NEGR1: variants seen among roughly 807,000 people sequenced by gnomAD.
NEGR1 encodes neuronal growth regulator 1, also known as IgLON family member 4.
In NEGR1, 10 loss-of-function variants were observed where a neutral mutation model predicts 40.9. The ratio of observed to expected loss-of-function variants is 0.24; its 90% CI spans 0.15 to 0.42. The LOEUF is 0.42. NEGR1 is among the 10% of genes least tolerant of loss of function. The pLI, the probability that NEGR1 is intolerant of heterozygous loss-of-function variation, is 1.00. For synonymous variants in NEGR1, 185 were observed against 166.8 expected, an observed-to-expected ratio of 1.11 and a Z score of -0.84; for missense variants, 352 against 438.9, an observed-to-expected ratio of 0.80 and a Z score of 1.77.
chr1:71,510,984 G>C (rs192728912), intron 6 of NEGR1, among the ~76,000 whole-genome samples: 3 of 152,182 alleles, frequency 2.0e-5, no homozygotes, highest in Admixed American at 1.3e-4. Flanking sequence ...GATTTAGTTA[G>C]TAAAACTCTT....
intron 6 of NEGR1, among the ~76,000 whole-genome samples, chr1:71,427,360 T>C (rs1646435299): frequency 6.6e-6 from 1 of 152,200 alleles, no homozygotes; most frequent in African/African-American, 2.4e-5. Context: ...AGTAATACTT[T>C]GATGTCAAAG....
intron 1 of NEGR1, among the ~76,000 whole-genome samples, chr1:72,096,000 G>T (rs1170073930): frequency 1.3e-5 from 2 of 151,500 alleles, no homozygotes; most frequent in Admixed American, 1.3e-4. Flanking sequence ...TGATCCAAAG[G>T]GTATGATTCT....
intron 2 of NEGR1, among the ~76,000 whole-genome samples, chr1:71,865,502 G>A (rs1210028576): frequency 2.0e-5 from 3 of 152,004 alleles, no homozygotes; most frequent in African/African-American, 2.4e-5. Flanking sequence ...ACCAAACACC[G>A]CCTGTTCTCA....
chr1:72,196,484 C>T (rs965432244), intron 1 of NEGR1, among the ~76,000 whole-genome samples: 1 of 151,950 alleles, frequency 6.6e-6, no homozygotes, highest in South Asian at 2.1e-4. Flanking sequence ...GAAAAATAAT[C>T]GCTGGCTGGG....
intron 1 of NEGR1, among the ~76,000 whole-genome samples, chr1:72,163,751 T>TAGAC (rs1651673674): frequency 7.9e-6 from 1 of 125,950 alleles, no homozygotes; most frequent in Non-Finnish European, 1.6e-5. Context: ...GATAGATAGA[T>TAGAC]AGATAGATAG....
chr1:72,276,547 T>C (rs1656053115), intron 1 of NEGR1, among the ~76,000 whole-genome samples: 1 of 152,174 alleles, frequency 6.6e-6, no homozygotes, highest in South Asian at 2.1e-4. Context: ...TATTAAATGA[T>C]ATATGAATTC....
rs78228423 is a variant in NEGR1 at position 72,225,229 on chromosome 1, A to C, written c.176+57090T>G. Reference sequence around the variant, plus strand: ...ACTTATCCTAGTGAGTAAAAAAATGACAATTTTATTTGAATACAAGTCCTC... The same window carrying C: ...ACTTATCCTAGTGAGTAAAAAAATGCCAATTTTATTTGAATACAAGTCCTC... On this transcript the variant is annotated intron_variant, in intron 1 of 6. Coordinates refer to ENST00000357731, the MANE Select transcript of NEGR1 (RefSeq NM_173808.3). Among the ~76,000 whole-genome samples the C allele has an allele frequency of 9.8e-3, 1,488 of 152,080 alleles. 23 individuals carry two copies. Among genetic ancestry groups the C allele is most frequent in the African/African-American group, 0.034 (1,412 of 41,538 alleles).
intron 6 of NEGR1, among the ~76,000 whole-genome samples, chr1:71,471,648 CAA>C (rs1460830764): frequency 2.2e-5 from 2 of 91,878 alleles, no homozygotes; most frequent in African/African-American, 8.2e-5. Context: ...CAAAACAAAA[CAA>C]AACAACAACA....
intron 2 of NEGR1, among the ~76,000 whole-genome samples, chr1:71,797,722 G>A (rs1402156692): frequency 6.6e-6 from 1 of 151,870 alleles, no homozygotes; most frequent in African/African-American, 2.4e-5. Context: ...TTTCAGAATG[G>A]CTCTGAATAA....
chr1:71,734,236 G>T (rs1570273361), intron 3 of NEGR1, among the ~76,000 whole-genome samples: 2 of 152,268 alleles, frequency 1.3e-5, no homozygotes, highest in South Asian at 4.1e-4. Flanking sequence ...CCCGCAGAAT[G>T]GTTTGTTTAT....
intron 6 of NEGR1, among the ~76,000 whole-genome samples, chr1:71,489,364 C>T (rs1028978022): frequency 1.3e-5 from 2 of 151,900 alleles, no homozygotes; most frequent in Non-Finnish European, 2.9e-5. Flanking sequence ...TTCCTTGTTC[C>T]CTGCCCATTC....
chr1:71,699,017 A>G (rs374280434), intron 3 of NEGR1, among the ~76,000 whole-genome samples: 1 of 151,886 alleles, frequency 6.6e-6, no homozygotes, highest in African/African-American at 2.4e-5. Context: ...TCAAGAGAGG[A>G]GACCCTTCTA....
chr1:71,417,407 G>T (rs1224753967), intron 6 of NEGR1, among the ~76,000 whole-genome samples: 3 of 152,158 alleles, frequency 2.0e-5, no homozygotes, highest in Non-Finnish European at 4.4e-5. Flanking sequence ...TATCAATCAA[G>T]AATTCAGGAC....
chr1:71,908,549 G>A (rs1042631620), intron 2 of NEGR1, among the ~76,000 whole-genome samples: 1 of 152,076 alleles, frequency 6.6e-6, no homozygotes, highest in African/African-American at 2.4e-5. Flanking sequence ...AAATCAAAAG[G>A]TTGAAGAAAG....
chr1:71,835,045 A>T (rs1477777296), intron 2 of NEGR1, among the ~76,000 whole-genome samples: 1 of 152,048 alleles, frequency 6.6e-6, no homozygotes, highest in Non-Finnish European at 1.5e-5. Context: ...GCTTTTTTCC[A>T]TGGTCTTTGC....
chr1:71,430,450 C>A (rs1569861357), intron 6 of NEGR1, among the ~76,000 whole-genome samples: 1 of 151,982 alleles, frequency 6.6e-6, no homozygotes, highest in East Asian at 1.9e-4. Flanking sequence ...AATTAAAATT[C>A]ATGGTTTTGA....
chr1:72,049,192 T>G (rs961356742), intron 1 of NEGR1, among the ~76,000 whole-genome samples: 4 of 151,362 alleles, frequency 2.6e-5, no homozygotes, highest in African/African-American at 9.7e-5. Flanking sequence ...ATGCAAAAAA[T>G]TAGCCAGGTG....
intron 2 of NEGR1, among the ~76,000 whole-genome samples, chr1:71,794,944 TTTAAAAAGGGG>T (rs1657267375): frequency 6.6e-6 from 1 of 151,992 alleles, no homozygotes; most frequent in Non-Finnish European, 1.5e-5. Flanking sequence ...AATGCACAAT[TTTAAAAAGGGG>T]AAACTTTAAT....
At chr1:72,246,366 T>A (rs1024224616) in intron 1 of NEGR1, among the ~76,000 whole-genome samples, 15 of 152,196 alleles carry the variant, frequency 9.9e-5, no homozygotes, top group Non-Finnish European at 1.9e-4. Flanking sequence ...ATTTGCCTCC[T>A]CTATGCACTG....
Sources: allele counts gnomAD v4.1 joint callset (sites outside exome capture counted in the v4.1 genomes callset), GRCh38; gene constraint gnomAD v4.1.1; transcripts MANE v1.5; gene names NCBI Gene and HGNC (gene_info 2026-07-23, HGNC 2026-07-21).